GABBR2: variants seen among roughly 807,000 people sequenced by gnomAD.
GABBR2 encodes G-protein coupled receptor 51.
GABBR2 carries 23 observed loss-of-function variants against 105.6 expected under a neutral mutation model. That is an observed-to-expected ratio of 0.22 (90% confidence interval 0.16 to 0.31). GABBR2 has a LOEUF of 0.31. GABBR2 is among the 10% of genes least tolerant of loss of function. The probability of loss-of-function intolerance (pLI) is 1.00; values close to 1 mark genes in which losing one functional copy is unlikely to be tolerated. For missense variants in GABBR2, 734 were observed against 1,245.5 expected (o/e 0.59, Z 6.18); for synonymous variants, 478 against 499.7 (o/e 0.96, Z 0.58).
chr9:98,311,436 TA>T (rs1830635201), intron 13 of GABBR2, among the ~76,000 whole-genome samples: 1 of 152,228 alleles, frequency 6.6e-6, no homozygotes, highest in African/African-American at 2.4e-5. Flanking sequence ...GTTCTCTGCA[TA>T]ATTCATGCCT....
At chr9:98,703,228 A>C (rs1164523469) in intron 1 of GABBR2, among the ~76,000 whole-genome samples, 5 of 152,234 alleles carry the variant, frequency 3.3e-5, no homozygotes, top group African/African-American at 1.2e-4. Context: ...AACACAGAAG[A>C]AATCAAAGCC....
At chr9:98,435,740 A>G (rs562318500) in intron 7 of GABBR2, among the ~76,000 whole-genome samples, 2 of 152,098 alleles carry the variant, frequency 1.3e-5, no homozygotes, top group African/African-American at 2.4e-5. Context: ...CTTTTCCAGA[A>G]ATGCTCTTCC....
intron 12 of GABBR2, among the ~76,000 whole-genome samples, chr9:98,364,601 A>ATTTTTTTTTTTTTT (rs61391834): frequency 7.4e-5 from 10 of 135,194 alleles, no homozygotes; most frequent in African/African-American, 8.6e-5. Context: ...GAGGAAGTGG[A>ATTTTTTTTTTTTTT]TTTTTTTTTT....
chr9:98,354,491 T>C (rs62574341), intron 13 of GABBR2, among the ~76,000 whole-genome samples: 11,587 of 152,340 alleles, frequency 0.076, 563 homozygotes, highest in Middle Eastern at 0.13. Context: ...GTGTAGCCAC[T>C]TTCATCAAAG....
chr9:98,634,186 C>A (rs1829850644), intron 1 of GABBR2, among the ~76,000 whole-genome samples: 1 of 152,206 alleles, frequency 6.6e-6, no homozygotes, highest in South Asian at 2.1e-4. Flanking sequence ...ACTGCCTCCC[C>A]ACCCGACTTT....
intron 7 of GABBR2, among the ~76,000 whole-genome samples, chr9:98,409,564 G>T (rs1257411948): frequency 2.6e-5 from 4 of 152,174 alleles, no homozygotes; most frequent in Non-Finnish European, 5.9e-5. Flanking sequence ...ACCCCACCCA[G>T]GATGGAGGCC....
At chr9:98,627,357 C>A (rs1829753303) in intron 1 of GABBR2, among the ~76,000 whole-genome samples, 1 of 152,138 alleles carries the variant, frequency 6.6e-6, no homozygotes, top group African/African-American at 2.4e-5. Flanking sequence ...GAATAGGAGC[C>A]ATGGACCCAG....
At chr9:98,593,667 TG>T (rs1384420564) in intron 1 of GABBR2, among the ~76,000 whole-genome samples, 1 of 151,932 alleles carries the variant, frequency 6.6e-6, no homozygotes, top group Non-Finnish European at 1.5e-5. Flanking sequence ...TTGGGAGCCA[TG>T]TCCCCGAATC....
chr9:98,602,632 C>T (rs182306552), intron 1 of GABBR2, among the ~76,000 whole-genome samples: 114 of 152,182 alleles, frequency 7.5e-4, no homozygotes, highest in African/African-American at 2.0e-3. Context: ...GCACACCCTG[C>T]AATAACGATG....
chr9:98,685,571 C>G (rs1168874355), intron 1 of GABBR2, among the ~76,000 whole-genome samples: 1 of 152,224 alleles, frequency 6.6e-6, no homozygotes, highest in Non-Finnish European at 1.5e-5. Flanking sequence ...TTATTTCTTT[C>G]AGATGTCTAT....
intron 13 of GABBR2, among the ~76,000 whole-genome samples, chr9:98,317,944 G>A (rs1197068588): frequency 1.3e-5 from 2 of 152,160 alleles, no homozygotes; most frequent in Non-Finnish European, 2.9e-5. Context: ...GGTAGCCTGG[G>A]ATGGCTACTC....
chr9:98,532,406 C>A (rs7855682), intron 3 of GABBR2, among the ~76,000 whole-genome samples: 6,645 of 152,282 alleles, frequency 0.044, 506 homozygotes, highest in African/African-American at 0.15. Context: ...AGTTGGGGCC[C>A]GAGGTGGGGC....
intron 8 of GABBR2, among the ~76,000 whole-genome samples, chr9:98,400,209 A>G (rs1391839629): frequency 6.6e-6 from 1 of 151,844 alleles, no homozygotes; most frequent in African/African-American, 2.4e-5. Context: ...AAAAAAAAGA[A>G]AAAAAGAAAA....
intron 3 of GABBR2, among the ~76,000 whole-genome samples, chr9:98,506,069 C>G (rs553393092): frequency 1.3e-5 from 2 of 152,066 alleles, no homozygotes; most frequent in African/African-American, 2.4e-5. Context: ...TTGTCTGTCC[C>G]AAAGATATAT....
At chr9:98,473,377 T>A in intron 5 of GABBR2, 31 bp from the exon 6 acceptor site, 2 of 1,458,040 alleles carry the variant, frequency 1.4e-6, no homozygotes, top group Non-Finnish European at 9.6e-7. Flanking sequence ...ATGAGGGCAT[T>A]GAGAGTCGCA....
At chr9:98,600,910 C>T (rs1829321399) in intron 1 of GABBR2, among the ~76,000 whole-genome samples, 1 of 152,196 alleles carries the variant, frequency 6.6e-6, no homozygotes, top group African/African-American at 2.4e-5. Flanking sequence ...AGTGATCTCC[C>T]TAAAATGAAA....
chr9:98,427,860 C>T (rs1414727915), intron 7 of GABBR2, among the ~76,000 whole-genome samples: 2 of 152,156 alleles, frequency 1.3e-5, no homozygotes, highest in Admixed American at 1.3e-4. Context: ...TGATAGCCAG[C>T]ATCCACTTGC....
At chr9:98,478,924 A>T (rs1221609628) in intron 5 of GABBR2, among the ~76,000 whole-genome samples, 1 of 152,138 alleles carries the variant, frequency 6.6e-6, no homozygotes, top group East Asian at 1.9e-4. Flanking sequence ...GCTCCTTGCA[A>T]GGCCCTGGGG....
At chr9:98,521,829 A>G (rs2095121) in intron 3 of GABBR2, among the ~76,000 whole-genome samples, 126,043 of 152,066 alleles carry the variant, frequency 0.83, 52,718 homozygotes, top group East Asian at 0.94. Context: ...ACCAGGTCAT[A>G]GAAGGCATAA....
Sources: gnomAD v4.1 joint callset for allele counts (sites outside exome capture counted in the v4.1 genomes callset) on GRCh38, gnomAD v4.1.1 for gene constraint, MANE v1.5 for transcripts, NCBI Gene and HGNC (gene_info 2026-07-23, HGNC 2026-07-21) for gene names.